MAP7: variants seen among roughly 807,000 people sequenced by gnomAD.
The protein encoded by MAP7 is microtubule associated protein 7.
A neutral mutation model predicts 94.8 loss-of-function variants in MAP7; 52 were observed. The ratio of observed to expected loss-of-function variants is 0.55; its 90% CI spans 0.44 to 0.69. The LOEUF is 0.69. Ranked by LOEUF, MAP7 falls within the 30% of genes least tolerant of loss-of-function variation. MAP7 has a pLI of 0.00. For synonymous variants in MAP7, 350 were observed against 357.0 expected, an observed-to-expected ratio of 0.98 and a Z score of 0.22; for missense variants, 940 against 964.6, an observed-to-expected ratio of 0.97 and a Z score of 0.34.
chr6:136,540,860 A>C (rs988671977), intron 1 of MAP7, among the ~76,000 whole-genome samples: 1 of 152,198 alleles, frequency 6.6e-6, no homozygotes, highest in Non-Finnish European at 1.5e-5. Context: ...GCATCCTGAT[A>C]TTTAAATGGT....
chr6:136,364,476 C>A, intron 10 of MAP7: 2 of 265,888 alleles, frequency 7.5e-6, no homozygotes, highest in Non-Finnish European at 7.3e-6. Flanking sequence ...TCTTTTGTAA[C>A]AAGTTCAATA....
At chr6:136,471,955 T>A (rs1165285470) in intron 1 of MAP7, among the ~76,000 whole-genome samples, 1 of 152,180 alleles carries the variant, frequency 6.6e-6, no homozygotes, top group African/African-American at 2.4e-5. Context: ...TATTTATGAT[T>A]GAAGCGAAAG....
chr6:136,346,465 G>A (rs1787733873), intron 16 of MAP7, among the ~76,000 whole-genome samples: 2 of 152,182 alleles, frequency 1.3e-5, no homozygotes, highest in Non-Finnish European at 1.5e-5. Flanking sequence ...TGGCAGTCGA[G>A]GTGGGAGGAT....
At chr6:136,497,732 G>A (rs1168144311) in intron 1 of MAP7, among the ~76,000 whole-genome samples, 2 of 145,440 alleles carry the variant, frequency 1.4e-5, no homozygotes, top group African/African-American at 5.2e-5. Context: ...CCGGGAGGTG[G>A]ATGCTGCAGT....
chr6:136,533,764 G>C (rs1156478261), intron 1 of MAP7, among the ~76,000 whole-genome samples: 2 of 152,142 alleles, frequency 1.3e-5, no homozygotes, highest in East Asian at 3.8e-4. Context: ...GCTCTCACAT[G>C]AACGAACAGA....
intron 2 of MAP7, chr6:136,419,766 T>C: frequency 4.0e-6 from 1 of 249,312 alleles, no homozygotes; most frequent in Non-Finnish European, 7.8e-6. Context: ...TCTCTGTTCA[T>C]AGGAAAGCAA....
intron 3 of MAP7, among the ~76,000 whole-genome samples, chr6:136,401,376 C>T (rs1784030916): frequency 6.6e-6 from 1 of 152,074 alleles, no homozygotes; most frequent in East Asian, 1.9e-4. Flanking sequence ...GACTTGGAAC[C>T]AACCCAAATG....
At chr6:136,438,277 T>C (rs1451673475) in intron 1 of MAP7, among the ~76,000 whole-genome samples, 1 of 152,230 alleles carries the variant, frequency 6.6e-6, no homozygotes, top group Non-Finnish European at 1.5e-5. Context: ...CTAATTTCTA[T>C]AGACACCTTG....
At chr6:136,541,576 C>T (rs905540873) in intron 1 of MAP7, among the ~76,000 whole-genome samples, 16 of 152,146 alleles carry the variant, frequency 1.1e-4, no homozygotes, top group Admixed American at 7.9e-4. Context: ...TGCACTGCTC[C>T]CAGCCTCCTC....
chr6:136,514,582 A>G (rs1477973271), intron 1 of MAP7, among the ~76,000 whole-genome samples: 2 of 81,136 alleles, frequency 2.5e-5, no homozygotes, highest in South Asian at 3.0e-4. Context: ...CTCTGTCTCA[A>G]AAAAAAAAAA....
At chr6:136,434,208 G>A (rs1406056952) in intron 1 of MAP7, among the ~76,000 whole-genome samples, 1 of 151,586 alleles carries the variant, frequency 6.6e-6, no homozygotes, top group Non-Finnish European at 1.5e-5. Flanking sequence ...TCGGGAGGCT[G>A]AGGCAGGAGA....
At chr6:136,440,660 G>C (rs924867941) in intron 1 of MAP7, among the ~76,000 whole-genome samples, 25 of 151,940 alleles carry the variant, frequency 1.6e-4, no homozygotes, top group Non-Finnish European at 2.9e-4. Flanking sequence ...CATGTTTACT[G>C]CTTTGTAATT....
rs373946198 is a variant in MAP7 at position 136,397,585 on chromosome 6, T to C, written c.245-8068A>G. Among the ~76,000 whole-genome samples, 47 of 130,414 alleles carry C rather than the reference T, an allele frequency of 3.6e-4. 1 individual carries two copies. Among genetic ancestry groups the C allele is most frequent in the African/African-American group, 1.3e-3 (45 of 33,962 alleles). The allele number at this position is 130,414 out of a possible 152,430, so 85.6% of individuals were successfully genotyped here. A position where few individuals can be genotyped will look rare whatever the true frequency, so the allele number is the denominator to read the frequency against. The stretch of plus-strand genomic sequence containing the variant: ...TGAAAATAGGACCTTTAGGAGGTAA[T>C]TAAGACTAAATGAGGTCATAAAGAT... On this transcript the variant is annotated intron_variant, in intron 3 of 17. Coordinates refer to ENST00000354570, the MANE Select transcript of MAP7 (RefSeq NM_003980.6).
chr6:136,507,493 G>GA (rs1406579519), intron 1 of MAP7, among the ~76,000 whole-genome samples: 1 of 130,094 alleles, frequency 7.7e-6, no homozygotes, highest in Non-Finnish European at 1.7e-5. Context: ...AAAAAAAAAA[G>GA]AAAAAACAAA....
intron 1 of MAP7, among the ~76,000 whole-genome samples, chr6:136,500,027 T>A (rs1017754399): frequency 2.0e-5 from 3 of 151,152 alleles, no homozygotes; most frequent in Admixed American, 6.6e-5. Flanking sequence ...AACAGTTGAG[T>A]GGACTTTTGA....
chr6:136,445,497 T>C (rs192001864), intron 1 of MAP7, among the ~76,000 whole-genome samples: 1 of 152,342 alleles, frequency 6.6e-6, no homozygotes, highest in Non-Finnish European at 1.5e-5. Context: ...CTTACTCTCT[T>C]GTACTCCCTA....
chr6:136,436,078 A>T (rs1168601152), intron 1 of MAP7, among the ~76,000 whole-genome samples: 3 of 152,210 alleles, frequency 2.0e-5, no homozygotes, highest in Non-Finnish European at 2.9e-5. Context: ...TATTTTAAAA[A>T]ACAAGCACTA....
intron 1 of MAP7, among the ~76,000 whole-genome samples, chr6:136,500,440 G>A (rs1196057247): frequency 6.6e-6 from 1 of 152,256 alleles, no homozygotes; most frequent in African/African-American, 2.4e-5. Flanking sequence ...AAGTGCGTCT[G>A]TACACTTATG....
intron 1 of MAP7, among the ~76,000 whole-genome samples, chr6:136,437,873 T>C (rs1480328226): frequency 1.3e-5 from 2 of 152,180 alleles, no homozygotes; most frequent in Non-Finnish European, 2.9e-5. Flanking sequence ...TGGTTATAAA[T>C]CTTAGTAATT....
Sources: allele counts gnomAD v4.1 joint callset (sites outside exome capture counted in the v4.1 genomes callset), GRCh38; gene constraint gnomAD v4.1.1; transcripts MANE v1.5; gene names NCBI Gene and HGNC (gene_info 2026-07-23, HGNC 2026-07-21).